The following RASL11A variants were observed in gnomAD, a reference collection of about 807,000 sequenced individuals.
RASL11A encodes the protein RAS like family 11 member A.
RASL11A carries 14 observed loss-of-function variants against 17.1 expected under a neutral mutation model. That is an observed-to-expected ratio of 0.82 (90% confidence interval 0.54 to 1.28). The LOEUF (loss-of-function observed/expected upper bound fraction) is 1.28, where lower values mean the gene tolerates loss of function less well. RASL11A is among the 50% of genes most tolerant of loss of function. The pLI is 0.00. For missense variants in RASL11A, 283 were observed against 312.3 expected, an observed-to-expected ratio of 0.91 and a Z score of 0.71; for synonymous variants, 146 against 132.5, an observed-to-expected ratio of 1.10 and a Z score of -0.70.
At chr13:27,271,115 C>T (rs1437217215) in intron 1 of RASL11A, 47 bp downstream of exon 1, 11 of 1,533,354 alleles carry the variant, frequency 7.2e-6, no homozygotes, top group Non-Finnish European at 8.8e-6. Context: ...CCGGCTCCGG[C>T]CGCGACCACT....
At chr13:27,271,933 T>A (rs1882305398) in intron 3 of RASL11A, among the ~76,000 whole-genome samples, 1 of 152,240 alleles carries the variant, frequency 6.6e-6, no homozygotes. Flanking sequence ...AGCAGCCTCC[T>A]CTTGTTAAGC....
Position 27,273,366 on chromosome 13 carries a change from G to A in RASL11A, c.601G>A (p.Gly201Ser), listed in dbSNP as rs749691801. 43 of 1,614,074 alleles carry A rather than the reference G, an allele frequency of 2.7e-5. No individual in the cohort carries two copies. Among genetic ancestry groups the A allele is most frequent in the Non-Finnish European group, 3.3e-5 (39 of 1,180,040 alleles). ...CTGCAAAGAAGTGAGCAAGATGCAC[G>A]GCCTCAGTGGGGAAAGAAGAAGAGC... is the stretch of plus-strand genomic sequence containing the variant. Reference protein sequence around the residue: ...HLCKEVSKMHGLSGERRRASI... With the variant: ...HLCKEVSKMHSLSGERRRASI... Residue 201 changes from glycine (G) to serine (S), a missense_variant, in exon 4 of 4, where the codon GGC becomes AGC. Gly to Ser is a moderately conservative substitution (Grantham distance 56). Transcript: ENST00000241463.
Position 27,271,718 on chromosome 13 carries a change from G to A in RASL11A, c.261G>A (p.Gln87=), listed in dbSNP as rs745772409. 1.2e-6 allele frequency: 2 copies of A among 1,605,034 alleles called. No homozygotes were observed. Among genetic ancestry groups the A allele is most frequent in the East Asian group, 4.5e-5 (2 of 44,746 alleles). Residue 87 remains glutamine, a splice_region_variant and synonymous_variant, in exon 3 of 4, where the codon CAG becomes CAA. Transcript: ENST00000241463. ...TCCAGGATACTCCCGGGGGCGTCCA[G>A]GTAAGAACCGCCAGGGGCAAACAGC... ...LQIQDTPGGV[Q]IQDSLPQVVD... is the part of the protein sequence containing the mutation.
Position 27,270,848 on chromosome 13 carries a change from C to T in RASL11A, c.-97C>T, listed in dbSNP as rs1422025382. ...GTTCTGCAGGCAGCCGCCGCGGTCC[C>T]GGACCTCTAGTCCCGCACTCCCAGC... is the stretch of plus-strand genomic sequence containing the variant. On this transcript the variant is annotated 5_prime_UTR_variant, in exon 1 of 4. Coordinates refer to ENST00000241463, the MANE Select transcript of RASL11A (RefSeq NM_206827.2). 4 of 1,481,546 alleles carry T rather than the reference C, an allele frequency of 2.7e-6. No homozygotes were observed. Among genetic ancestry groups the T allele is most frequent in the Non-Finnish European group, 3.6e-6 (4 of 1,103,576 alleles). The allele number at this position is 1,481,546 out of a possible 1,614,324, so 91.8% of individuals were successfully genotyped here.
intron 3 of RASL11A, among the ~76,000 whole-genome samples, chr13:27,272,669 A>G (rs1455558037): frequency 6.6e-6 from 1 of 152,210 alleles, no homozygotes; most frequent in Non-Finnish European, 1.5e-5. Flanking sequence ...ATAGATATTT[A>G]TCTTGGCTTA....
At chr13:27,271,814 A>C (rs1396066578) in intron 3 of RASL11A, 96 bp downstream of exon 3, 1 of 1,013,416 alleles carries the variant, frequency 9.9e-7, no homozygotes, top group African/African-American at 1.6e-5. Flanking sequence ...CAGGGGTCTG[A>C]GCAAGGCATC....
rs1390948439 is a variant in RASL11A at position 27,274,786 on chromosome 13, A to G, written c.*1292A>G. Among the ~76,000 whole-genome samples, 1 of 152,198 alleles carries G rather than the reference A, an allele frequency of 6.6e-6. No individual in the cohort carries two copies. Among genetic ancestry groups the G allele is most frequent in the Non-Finnish European group, 1.5e-5 (1 of 68,034 alleles). ...TCGAGGGCAGTAGCTGCATTTTATG[A>G]TCCTGTCTTCCAATCTTCTAGTTCA... On this transcript the variant is annotated 3_prime_UTR_variant, in exon 4 of 4. Transcript: ENST00000241463.
At chr13:27,271,617 C>G in intron 2 of RASL11A, 22 bp from the exon 3 acceptor site, 2 of 1,613,770 alleles carry the variant, frequency 1.2e-6, no homozygotes, top group Non-Finnish European at 1.7e-6. Flanking sequence ...AATTAAAAAG[C>G]AAACTCTACT....
intron 3 of RASL11A, among the ~76,000 whole-genome samples, chr13:27,272,528 T>C (rs1230616377): frequency 6.6e-6 from 1 of 152,222 alleles, no homozygotes; most frequent in African/African-American, 2.4e-5. Context: ...ATGTAACTTG[T>C]TTATTAACCA....
rs1274919988 is a variant in RASL11A at position 27,271,469 on chromosome 13, C to T, written c.125-15C>T. 3.1e-6 allele frequency: 5 copies of T among 1,614,058 alleles called. No individual in the cohort carries two copies. The highest frequency in any genetic ancestry group is 1.7e-5 in the Admixed American group (1 of 60,000). On this transcript the variant is annotated splice_polypyrimidine_tract_variant and intron_variant, in intron 1 of 3. Coordinates refer to ENST00000241463, the MANE Select transcript of RASL11A (RefSeq NM_206827.2). ...TGTTCTACTCCTTCGGTTGATTTTC[C>T]TATTTCCTTTTCAGCAATGATCGTG...
At chr13:27,271,783 G>A (rs564384636) in intron 3 of RASL11A, 65 bp downstream of exon 3, 156 of 1,373,558 alleles carry the variant, frequency 1.1e-4, no homozygotes, top group African/African-American at 9.6e-4. Context: ...GGCACAGCAC[G>A]TAGGGCGCCC....
At position 27,275,044 on chromosome 13, in the gene RASL11A, T is replaced by C. The variant is rs921559654; in HGVS notation, c.*1550T>C. 7.2e-5 allele frequency among the ~76,000 whole-genome samples: 11 copies of C among 152,210 alleles called. No individual in the cohort carries two copies. The highest frequency in any genetic ancestry group is 2.4e-4 in the African/African-American group (10 of 41,452). Reference sequence around the variant, plus strand: ...TTACCCTTCCAAAAGGACAGCTCTGTCCAGACCTGTGATGTCAGCACCACT... The same window carrying C: ...TTACCCTTCCAAAAGGACAGCTCTGCCCAGACCTGTGATGTCAGCACCACT... On this transcript the variant is annotated 3_prime_UTR_variant, in exon 4 of 4. Transcript: ENST00000241463.
Position 27,271,539 on chromosome 13 carries a change from A to G in RASL11A, c.180A>G (p.Thr60=). 1.9e-6 allele frequency: 3 copies of G among 1,614,104 alleles called. No homozygotes were observed. The highest frequency in any genetic ancestry group is 2.5e-6 in the Non-Finnish European group (3 of 1,179,908). Residue 60 remains threonine (T), a splice_region_variant and synonymous_variant, in exon 2 of 4, where the codon ACA becomes ACG. Transcript: ENST00000241463. ...TCATTGGAGACTATGAACCGAATACAGGTGAGAATACTTTCACGCTCCCTG... is the reference window on the plus strand; with the variant it reads ...TCATTGGAGACTATGAACCGAATACGGGTGAGAATACTTTCACGCTCCCTG... ...KRFIGDYEPN[T]GKLYSRLVYV...
At chr13:27,271,256 A>C (rs1238140632) in intron 1 of RASL11A, 188 bp downstream of exon 1, 1 of 1,443,462 alleles carries the variant, frequency 6.9e-7, no homozygotes, top group African/African-American at 1.4e-5. Context: ...TGGTGCATCT[A>C]CTCCTGGGAT....
chr13:27,270,968 G>C lies in RASL11A; in HGVS notation c.24G>C (p.Gly8=), dbSNP rs1357003674. The stretch of plus-strand genomic sequence containing the variant: ...CCATGCGGCCGCTCAGCATGTCCGG[G>C]CACTTTCTGCTCGCACCCATCCCCG... The part of the protein sequence containing the change: MRPLSMS[G]HFLLAPIPES... The change falls in exon 1 of 4, where the codon GGG becomes GGC. Residue 8 remains glycine (G), a synonymous_variant. Transcript: ENST00000241463. 1 of 1,596,762 alleles carries C rather than the reference G, an allele frequency of 6.3e-7. No homozygotes were observed. The highest frequency in any genetic ancestry group is 1.1e-5 in the South Asian group (1 of 88,074).
At position 27,273,054 on chromosome 13, in the gene RASL11A, G is replaced by C; in HGVS notation, c.289G>C (p.Asp97His). Residue 97 changes from aspartate (D) to histidine (H), a missense_variant, in exon 4 of 4, where the codon GAT becomes CAT. Coordinates refer to ENST00000241463, the MANE Select transcript of RASL11A (RefSeq NM_206827.2). ...QIQDSLPQVVDSLSKCVQWAE... is the reference protein window; with the variant it reads ...QIQDSLPQVVHSLSKCVQWAE... ...CCAAGACAGCCTCCCCCAGGTCGTC[G>C]ATTCCCTGTCCAAATGCGTGCAGTG... The C allele has an allele frequency of 1.2e-6, 2 of 1,614,074 alleles. No individual in the cohort carries two copies. Among genetic ancestry groups the C allele is most frequent in the South Asian group, 1.1e-5 (1 of 91,086 alleles).
chr13:27,273,050 C>T lies in RASL11A; in HGVS notation c.285C>T (p.Val95=). The T allele has an allele frequency of 1.2e-6, 2 of 1,614,024 alleles. No homozygotes were observed. Among genetic ancestry groups the T allele is most frequent in the Non-Finnish European group, 1.7e-6 (2 of 1,179,878 alleles). Residue 95 remains valine (V), a synonymous_variant, in exon 4 of 4, where the codon GTC becomes GTT. Transcript: ENST00000241463. ...AGATCCAAGACAGCCTCCCCCAGGT[C>T]GTCGATTCCCTGTCCAAATGCGTGC... ...GVQIQDSLPQ[V]VDSLSKCVQW...
In RASL11A at chr13:27,270,874, T is replaced by C. The variant is rs528645824; in HGVS notation, c.-71T>C. Reference sequence around the variant, plus strand: ...GGACCTCTAGTCCCGCACTCCCAGCTGGCGAGCCGGCTCCGGGTGCGGCGA... The same window carrying C: ...GGACCTCTAGTCCCGCACTCCCAGCCGGCGAGCCGGCTCCGGGTGCGGCGA... On this transcript the variant is annotated 5_prime_UTR_variant, in exon 1 of 4. Coordinates refer to ENST00000241463, the MANE Select transcript of RASL11A (RefSeq NM_206827.2). The C allele has an allele frequency of 4.6e-6, 7 of 1,532,590 alleles. No individual in the cohort carries two copies. In the South Asian group the frequency reaches 7.4e-5, roughly 16 times the overall value. The allele number at this position is 1,532,590 out of a possible 1,614,324, so 94.9% of individuals were successfully genotyped here.
rs1882347488 is a variant in RASL11A at position 27,273,101 on chromosome 13, C to T, written c.336C>T (p.Val112=). 6.2e-7 allele frequency: 1 copy of T among 1,614,086 alleles called. No homozygotes were observed. Among genetic ancestry groups the T allele is most frequent in the African/African-American group, 1.3e-5 (1 of 74,936 alleles). Residue 112 remains valine (V), a synonymous_variant, in exon 4 of 4, where the codon GTC becomes GTT. Transcript: ENST00000241463. ...AGTGGGCCGAGGGTTTTCTGCTGGT[C>T]TATTCCATCACAGACTATGACAGCT... ...CVQWAEGFLL[V]YSITDYDSYL...
Sources: allele counts gnomAD v4.1 joint callset (sites outside exome capture counted in the v4.1 genomes callset), GRCh38; gene constraint gnomAD v4.1.1; transcripts MANE v1.5; gene names NCBI Gene and HGNC (gene_info 2026-07-23, HGNC 2026-07-21).